Variants in PKD2L2 observed in about 807,000 individuals in gnomAD.
PKD2L2 encodes the protein polycystin-2-like protein 2.
Under a neutral mutation model 83.9 loss-of-function variants are expected in PKD2L2, and 67 were observed. That is an observed-to-expected ratio of 0.80 (90% confidence interval 0.66 to 0.98). The LOEUF (loss-of-function observed/expected upper bound fraction) is 0.98, where lower values mean the gene tolerates loss of function less well. PKD2L2 is among the 50% of genes least tolerant of loss of function. The pLI, the probability that PKD2L2 is intolerant of heterozygous loss-of-function variation, is 0.00. For missense variants in PKD2L2, 632 were observed against 717.2 expected, an observed-to-expected ratio of 0.88 and a Z score of 1.36; for synonymous variants, 223 against 237.8, an observed-to-expected ratio of 0.94 and a Z score of 0.57.
intron 5 of PKD2L2, among the ~76,000 whole-genome samples, chr5:137,902,088 C>T (rs1045892555): frequency 6.6e-6 from 1 of 151,832 alleles, no homozygotes; most frequent in Non-Finnish European, 1.5e-5. Context: ...GAGGAATTAA[C>T]CTTCCAAATC....
At chr5:137,939,982 A>C in intron 14 of PKD2L2, 1 of 1,555,984 alleles carries the variant, frequency 6.4e-7, no homozygotes, top group Non-Finnish European at 8.7e-7. Context: ...CAATGAAGTA[A>C]ACCATATGTT....
chr5:137,897,033 A>ATAT (rs10536140), intron 4 of PKD2L2, among the ~76,000 whole-genome samples: 1,506 of 137,002 alleles, frequency 0.011, 11 homozygotes, highest in African/African-American at 0.021. Context: ...ATACATTATT[A>ATAT]TATTATTATT....
Position 137,889,471 on chromosome 5 carries a change from G to C in PKD2L2, c.-21G>C, listed in dbSNP as rs1325133158. On this transcript the variant is annotated 5_prime_UTR_variant, in exon 1 of 15. Coordinates refer to ENST00000508883, the MANE Select transcript of PKD2L2 (RefSeq NM_001300921.2). ...GCCGCGGCCTCAGGCGAACGAACGG[G>C]CGGTGTAGTGCAGGTCCGCCATGGC... 2 of 1,581,626 alleles carry C rather than the reference G, an allele frequency of 1.3e-6. No homozygotes were observed. The highest frequency in any genetic ancestry group is 1.4e-5 in the African/African-American group (1 of 70,918).
intron 11 of PKD2L2, among the ~76,000 whole-genome samples, chr5:137,925,340 C>T (rs938710131): frequency 3.3e-5 from 5 of 152,118 alleles, no homozygotes; most frequent in Non-Finnish European, 7.4e-5. Flanking sequence ...GCAAAACCAC[C>T]ACCAACCTAT....
intron 8 of PKD2L2, among the ~76,000 whole-genome samples, chr5:137,918,844 C>CTTTTTTTT (rs796480261): frequency 1.4e-5 from 2 of 144,618 alleles, no homozygotes. Context: ...TTCCAAGAAT[C>CTTTTTTTT]TTTTTTTTTT....
chr5:137,925,955 C>T lies in PKD2L2; in HGVS notation c.1671+26C>T, dbSNP rs778331839. On this transcript the variant is annotated intron_variant, in intron 12 of 14. Transcript: ENST00000508883. ...GTAAGATTTTAATTTTTTTCATAAA[C>T]ACTAGTGGTAGCTGTATTAGAAATA... 3 of 1,363,796 alleles carry T rather than the reference C, an allele frequency of 2.2e-6. No homozygotes were observed. The Admixed American group carries it at 5.2e-5, about 24-fold the overall frequency. The allele number at this position is 1,363,796 out of a possible 1,614,324, so 84.5% of individuals were successfully genotyped here.
rs141278480 is a variant in PKD2L2, at chr5:137,931,127, T to C, written c.1672-4670T>C. 1.2e-4 allele frequency among the ~76,000 whole-genome samples: 18 copies of C among 152,308 alleles called. No individual in the cohort carries two copies. In the East Asian group the frequency reaches 3.3e-3, roughly 28 times the overall value. On this transcript the variant is annotated intron_variant, in intron 12 of 14. Transcript: ENST00000508883. The stretch of plus-strand genomic sequence containing the variant: ...AACTGAATGAAATGGGCAATATTTC[T>C]ATGAAAATAAAATTTATCAAAACTG...
intron 8 of PKD2L2, 105 bp downstream of exon 8, chr5:137,909,051 T>G (rs1030659149): frequency 3.1e-6 from 2 of 638,484 alleles, no homozygotes; most frequent in African/African-American, 3.8e-5. Context: ...CTTTAATATA[T>G]TTAAACTTAG....
Position 137,907,920 on chromosome 5 carries a change from T to C in PKD2L2, c.1146+8T>C. Reference sequence around the variant, plus strand: ...TTTTTTGCATGGATAAAGGTATTTATATTTCATTATATTACATAATACAAG... The same window carrying C: ...TTTTTTGCATGGATAAAGGTATTTACATTTCATTATATTACATAATACAAG... On this transcript the variant is annotated splice_region_variant and intron_variant, in intron 7 of 14. Transcript: ENST00000508883. 1 of 1,138,078 alleles carries C rather than the reference T, an allele frequency of 8.8e-7. No individual in the cohort carries two copies. 70.5% of individuals were successfully genotyped at this position (1,138,078 alleles called of 1,614,324 possible).
Position 137,936,332 on chromosome 5 carries a change from T to C in PKD2L2, c.1797T>C (p.Tyr599=), listed in dbSNP as rs752179640. 2 of 1,531,108 alleles carry C rather than the reference T, an allele frequency of 1.3e-6. No individual in the cohort carries two copies. Among genetic ancestry groups the C allele is most frequent in the South Asian group, 1.2e-5 (1 of 83,964 alleles). The allele number at this position is 1,531,108 out of a possible 1,614,324, so 94.8% of individuals were successfully genotyped here. The change falls in exon 14 of 15, where the codon TAT becomes TAC. Residue 599 remains tyrosine, a synonymous_variant. Transcript: ENST00000508883. ...TQEEFRELFL[Y]AVELEKELHY... ...CGAAATTTTCTAGACTTTTTTTATA[T>C]GCTGTGGAGCTGGAGAAGGAATTAC...
intron 8 of PKD2L2, among the ~76,000 whole-genome samples, chr5:137,920,013 C>T (rs1416410877): frequency 6.6e-6 from 1 of 152,114 alleles, no homozygotes; most frequent in African/African-American, 2.4e-5. Flanking sequence ...ACCTGGTCAA[C>T]GTGGTGAAAT....
intron 14 of PKD2L2, chr5:137,938,145 C>T (rs1022562583): frequency 6.6e-6 from 1 of 152,494 alleles, no homozygotes. Context: ...AACTATGACA[C>T]ACAATACTGT....
intron 5 of PKD2L2, among the ~76,000 whole-genome samples, chr5:137,901,441 T>C (rs1756951468): frequency 1.3e-5 from 2 of 152,060 alleles, no homozygotes; most frequent in African/African-American, 2.4e-5. Context: ...AGAACATTGA[T>C]TAATAAGGAA....
At chr5:137,914,087 C>T (rs574843154) in intron 8 of PKD2L2, among the ~76,000 whole-genome samples, 3 of 113,026 alleles carry the variant, frequency 2.7e-5, no homozygotes, top group Admixed American at 1.2e-4. Flanking sequence ...GACAAGGTTT[C>T]GCCATGTTGC....
chr5:137,932,477 T>TTAC (rs1759955606), intron 12 of PKD2L2, among the ~76,000 whole-genome samples: 1 of 152,118 alleles, frequency 6.6e-6, no homozygotes, highest in Non-Finnish European at 1.5e-5. Flanking sequence ...AGTGAATTGA[T>TTAC]TACTACACAG....
intron 2 of PKD2L2, among the ~76,000 whole-genome samples, chr5:137,891,469 GAAA>G (rs556956890): frequency 8.4e-6 from 1 of 119,326 alleles, no homozygotes. Context: ...CTGTCCCAAG[GAAA>G]AAAAAAAAAA....
intron 2 of PKD2L2, among the ~76,000 whole-genome samples, chr5:137,891,469 G>GAA (rs556956890): frequency 8.4e-6 from 1 of 119,318 alleles, no homozygotes; most frequent in Non-Finnish European, 1.8e-5. Flanking sequence ...CTGTCCCAAG[G>GAA]AAAAAAAAAA....
intron 8 of PKD2L2, among the ~76,000 whole-genome samples, chr5:137,914,701 G>T (rs1390572233): frequency 6.6e-6 from 1 of 152,116 alleles, no homozygotes; most frequent in Non-Finnish European, 1.5e-5. Context: ...TTCTTGTCTT[G>T]TTCTTGATCT....
intron 8 of PKD2L2, 152 bp downstream of exon 8, chr5:137,909,098 C>G: frequency 1.8e-6 from 1 of 557,198 alleles, no homozygotes; most frequent in Non-Finnish European, 3.0e-6. Context: ...TTTCTGGAGA[C>G]AGGGTCTCAT....
Sources: allele counts gnomAD v4.1 joint callset (sites outside exome capture counted in the v4.1 genomes callset), GRCh38; gene constraint gnomAD v4.1.1; transcripts MANE v1.5; gene names NCBI Gene and HGNC (gene_info 2026-07-23, HGNC 2026-07-21).